Variants in KCNIP4 observed in about 807,000 individuals in gnomAD.
The protein encoded by KCNIP4 is potassium voltage-gated channel interacting protein 4, also known as Kv channel-interacting protein 4.
A neutral mutation model predicts 34.0 loss-of-function variants in KCNIP4; 12 were observed. The observed-to-expected ratio is 0.35, with a 90% CI of 0.23 to 0.57. KCNIP4 has a LOEUF of 0.57. Ranked by LOEUF, KCNIP4 falls within the 20% of genes least tolerant of loss-of-function variation. The probability of loss-of-function intolerance (pLI) is 0.83; values close to 1 mark genes in which losing one functional copy is unlikely to be tolerated. For missense variants in KCNIP4, 238 were observed against 311.7 expected (o/e 0.76, Z 1.78); for synonymous variants, 124 against 102.2 (o/e 1.21, Z -1.29).
chr4:21,213,732 G>C (rs1757384054), intron 1 of KCNIP4, among the ~76,000 whole-genome samples: 1 of 152,176 alleles, frequency 6.6e-6, no homozygotes, highest in Non-Finnish European at 1.5e-5. Flanking sequence ...AAGAAACACA[G>C]AGAAATGGTT....
chr4:21,724,776 TTCCATTAAATATCTTCTGC>T (rs894516024), intron 1 of KCNIP4, among the ~76,000 whole-genome samples: 1 of 152,024 alleles, frequency 6.6e-6, no homozygotes, highest in Non-Finnish European at 1.5e-5. Flanking sequence ...GACTGAAAGG[TTCCATTAAATATCTTCTGC>T]TCAGTGAAGA....
Position 21,014,965 on chromosome 4 carries a change from G to A in KCNIP4, c.62-132256C>T, listed in dbSNP as rs138322297. 4.7e-3 allele frequency among the ~76,000 whole-genome samples: 708 copies of A among 152,206 alleles called. 5 individuals carry two copies. The highest frequency in any genetic ancestry group is 0.016 in the African/African-American group (669 of 41,532). Reference sequence around the variant, plus strand: ...GAATGAAATTCTGACATATGCTATGGCATTGATGAACCTTGAAAACATTAT... The same window carrying A: ...GAATGAAATTCTGACATATGCTATGACATTGATGAACCTTGAAAACATTAT... On this transcript the variant is annotated intron_variant, in intron 1 of 8. Coordinates refer to ENST00000382152, the MANE Select transcript of KCNIP4 (RefSeq NM_025221.6).
chr4:20,889,329 T>G lies in KCNIP4; in HGVS notation c.62-6620A>C, dbSNP rs1365044028. 2.0e-5 allele frequency among the ~76,000 whole-genome samples: 3 copies of G among 152,204 alleles called. No individual in the cohort carries two copies. In the South Asian group the frequency reaches 6.2e-4, roughly 31 times the overall value. ...TATAAACAAGGGACTATAATTCTTG[T>G]ACATTATTTTTCATCCTTGCTATTT... On this transcript the variant is annotated intron_variant, in intron 1 of 8. Transcript: ENST00000382152.
intron 1 of KCNIP4, among the ~76,000 whole-genome samples, chr4:21,301,402 T>G (rs1046005476): frequency 1.3e-5 from 2 of 152,150 alleles, no homozygotes; most frequent in Non-Finnish European, 2.9e-5. Flanking sequence ...TAAGTTTACA[T>G]GAGGAGGTTT....
chr4:20,792,975 A>G (rs1712975001), intron 3 of KCNIP4, among the ~76,000 whole-genome samples: 1 of 152,210 alleles, frequency 6.6e-6, no homozygotes, highest in African/African-American at 2.4e-5. Flanking sequence ...AATGAAAAGA[A>G]AAACTAGTAG....
At chr4:21,820,048 T>C (rs1722234798) in intron 1 of KCNIP4, among the ~76,000 whole-genome samples, 1 of 151,846 alleles carries the variant, frequency 6.6e-6, no homozygotes, top group East Asian at 1.9e-4. Flanking sequence ...TCATTAAAAA[T>C]AATGAATTGT....
chr4:21,445,253 C>T (rs1727875204), intron 1 of KCNIP4, among the ~76,000 whole-genome samples: 1 of 152,132 alleles, frequency 6.6e-6, no homozygotes, highest in African/African-American at 2.4e-5. Flanking sequence ...ATGACTTTCT[C>T]ACAGAATTGG....
At chr4:21,133,086 A>T (rs976538969) in intron 1 of KCNIP4, among the ~76,000 whole-genome samples, 1 of 152,144 alleles carries the variant, frequency 6.6e-6, no homozygotes, top group African/African-American at 2.4e-5. Context: ...GAATTCATTA[A>T]TTGCCTCATT....
chr4:20,958,577 TAGA>T (rs1224636837), intron 1 of KCNIP4, among the ~76,000 whole-genome samples: 3 of 152,160 alleles, frequency 2.0e-5, no homozygotes, highest in Admixed American at 6.5e-5. Context: ...GCATTATACA[TAGA>T]AGAACTTTCA....
intron 1 of KCNIP4, among the ~76,000 whole-genome samples, chr4:21,299,998 C>A (rs189859803): frequency 4.6e-5 from 7 of 152,068 alleles, no homozygotes; most frequent in African/African-American, 1.7e-4. Flanking sequence ...CAGTTGATTT[C>A]TTTTTGTCTT....
chr4:21,672,648 G>A (rs1176044712), intron 1 of KCNIP4, among the ~76,000 whole-genome samples: 1 of 152,194 alleles, frequency 6.6e-6, no homozygotes, highest in Non-Finnish European at 1.5e-5. Context: ...ATTCCTTCAG[G>A]AAGGCTCAGG....
intron 1 of KCNIP4, among the ~76,000 whole-genome samples, chr4:21,193,176 T>C (rs901423979): frequency 6.6e-6 from 1 of 151,810 alleles, no homozygotes; most frequent in Non-Finnish European, 1.5e-5. Flanking sequence ...TCATAAATGA[T>C]CACAGCCTAG....
intron 1 of KCNIP4, among the ~76,000 whole-genome samples, chr4:21,401,450 G>C (rs938129693): frequency 6.6e-6 from 1 of 152,108 alleles, no homozygotes; most frequent in Non-Finnish European, 1.5e-5. Context: ...GTCTTTTTCT[G>C]GGGCAGACCT....
chr4:21,779,512 A>G (rs1391599533), intron 1 of KCNIP4, among the ~76,000 whole-genome samples: 1 of 152,208 alleles, frequency 6.6e-6, no homozygotes, highest in Non-Finnish European at 1.5e-5. Flanking sequence ...ATGTATACAC[A>G]TATCAAAATG....
At chr4:21,901,799 G>A (rs1401870437) in intron 1 of KCNIP4, among the ~76,000 whole-genome samples, 1 of 151,996 alleles carries the variant, frequency 6.6e-6, no homozygotes, top group Admixed American at 6.6e-5. Flanking sequence ...AAGTCCCAAA[G>A]AGAGACAATA....
At chr4:21,111,496 T>C (rs1355014695) in intron 1 of KCNIP4, among the ~76,000 whole-genome samples, 6 of 152,170 alleles carry the variant, frequency 3.9e-5, no homozygotes, top group Admixed American at 6.5e-5. Context: ...TAGGCAATCC[T>C]TTGAAGTCCT....
intron 1 of KCNIP4, among the ~76,000 whole-genome samples, chr4:21,367,353 G>T (rs1159114881): frequency 6.6e-6 from 1 of 151,880 alleles, no homozygotes; most frequent in Non-Finnish European, 1.5e-5. Context: ...CTACCTTTTT[G>T]CACCCACTTG....
At chr4:21,088,914 G>A (rs1027293503) in intron 1 of KCNIP4, among the ~76,000 whole-genome samples, 18 of 151,980 alleles carry the variant, frequency 1.2e-4, no homozygotes, top group Non-Finnish European at 2.5e-4. Flanking sequence ...TCTTACCACT[G>A]TATATACAAT....
intron 1 of KCNIP4, among the ~76,000 whole-genome samples, chr4:21,076,275 A>C (rs1308052084): frequency 6.6e-6 from 1 of 152,122 alleles, no homozygotes; most frequent in East Asian, 1.9e-4. Flanking sequence ...TTTCAGGTAC[A>C]CCAATCAGAA....
Sources: gnomAD v4.1 joint callset for allele counts (sites outside exome capture counted in the v4.1 genomes callset) on GRCh38, gnomAD v4.1.1 for gene constraint, MANE v1.5 for transcripts, NCBI Gene and HGNC (gene_info 2026-07-23, HGNC 2026-07-21) for gene names.